Variants in LRRTM4 observed in about 807,000 individuals in gnomAD.
LRRTM4 encodes leucine rich repeat transmembrane neuronal 4.
Under a neutral mutation model 47.6 loss-of-function variants are expected in LRRTM4, and 25 were observed. The ratio of observed to expected loss-of-function variants is 0.53; its 90% confidence interval spans 0.38 to 0.73. LRRTM4 has a LOEUF of 0.73. Among genes scored for constraint, LRRTM4 ranks in the 30% least tolerant of loss-of-function variants. LRRTM4 has a pLI of 0.00. For missense variants in LRRTM4, 638 were observed against 713.4 expected, an observed-to-expected ratio of 0.89 and a Z score of 1.20; for synonymous variants, 311 against 269.5, an observed-to-expected ratio of 1.15 and a Z score of -1.51.
chr2:77,257,253 T>G (rs1400309223), intron 3 of LRRTM4, among the ~76,000 whole-genome samples: 6 of 151,908 alleles, frequency 3.9e-5, no homozygotes, highest in Admixed American at 3.3e-4. Context: ...GGCTATCCAC[T>G]CTGACCACTG....
At chr2:77,227,161 GT>G (rs1042939190) in intron 3 of LRRTM4, among the ~76,000 whole-genome samples, 2 of 151,926 alleles carry the variant, frequency 1.3e-5, no homozygotes, top group African/African-American at 4.8e-5. Flanking sequence ...TCCAACCTCA[GT>G]TTTATAAGTG....
At position 77,476,437 on chromosome 2, in the gene LRRTM4, C is replaced by G. The variant is rs186220723; in HGVS notation, c.1551+41881G>C. Among the ~76,000 whole-genome samples the G allele has an allele frequency of 2.0e-5, 3 of 152,066 alleles. No homozygotes were observed. The East Asian group carries it at 5.8e-4, about 29-fold the overall frequency. On this transcript the variant is annotated intron_variant, in intron 3 of 3. Coordinates refer to ENST00000409884, the MANE Select transcript of LRRTM4 (RefSeq NM_001134745.3). ...CATCTGACTGCAATGCAACAAAAGC[C>G]ATACATTGATTTTTTTGTAAAATAT... is the stretch of plus-strand genomic sequence containing the variant.
At chr2:77,072,934 A>T (rs1680210535) in intron 3 of LRRTM4, among the ~76,000 whole-genome samples, 1 of 152,128 alleles carries the variant, frequency 6.6e-6, no homozygotes, top group Non-Finnish European at 1.5e-5. Flanking sequence ...TTGTTAAGAC[A>T]GAAGAAGCAT....
intron 3 of LRRTM4, among the ~76,000 whole-genome samples, chr2:76,996,079 A>G (rs554386842): frequency 2.8e-4 from 43 of 152,216 alleles, no homozygotes; most frequent in African/African-American, 1.0e-3. Flanking sequence ...AAACTATGGA[A>G]CAAAACATAG....
chr2:77,431,551 G>A (rs923428238), intron 3 of LRRTM4, among the ~76,000 whole-genome samples: 2 of 148,890 alleles, frequency 1.3e-5, no homozygotes, highest in African/African-American at 2.6e-5. Flanking sequence ...AGCTCCAAAT[G>A]TCATAACTCA....
intron 3 of LRRTM4, among the ~76,000 whole-genome samples, chr2:77,184,782 G>A (rs557238491): frequency 7.6e-4 from 116 of 152,148 alleles, no homozygotes; most frequent in Middle Eastern, 6.8e-3. Flanking sequence ...CAGAAAGAAC[G>A]TTCAAATATT....
chr2:76,754,544 C>A (rs977844928), intron 3 of LRRTM4, among the ~76,000 whole-genome samples: 2 of 152,190 alleles, frequency 1.3e-5, no homozygotes, highest in African/African-American at 4.8e-5. Flanking sequence ...ATAGTTTCAG[C>A]ATGTTATCTT....
intron 3 of LRRTM4, among the ~76,000 whole-genome samples, chr2:77,331,828 C>T (rs944029807): frequency 7.9e-5 from 12 of 152,092 alleles, no homozygotes; most frequent in African/African-American, 2.4e-4. Flanking sequence ...ATATGACAAT[C>T]CAATCCTTCG....
At chr2:76,905,265 T>G (rs940172571) in intron 3 of LRRTM4, among the ~76,000 whole-genome samples, 1 of 152,026 alleles carries the variant, frequency 6.6e-6, no homozygotes, top group Non-Finnish European at 1.5e-5. Context: ...TCTAGCAAAT[T>G]CCAACAGACC....
chr2:77,008,516 T>C (rs933498534), intron 3 of LRRTM4, among the ~76,000 whole-genome samples: 1 of 152,204 alleles, frequency 6.6e-6, no homozygotes, highest in Non-Finnish European at 1.5e-5. Context: ...TGAATAAGGT[T>C]GCTGGCATTG....
intron 3 of LRRTM4, among the ~76,000 whole-genome samples, chr2:77,289,420 T>C (rs1436312034): frequency 2.0e-5 from 3 of 152,044 alleles, no homozygotes; most frequent in African/African-American, 7.2e-5. Flanking sequence ...GAAACATCCA[T>C]GCATGCCTTA....
chr2:77,391,252 G>A (rs1037543413), intron 3 of LRRTM4, among the ~76,000 whole-genome samples: 1 of 151,882 alleles, frequency 6.6e-6, no homozygotes, highest in Non-Finnish European at 1.5e-5. Context: ...ATGTGTATGT[G>A]CTTCTATTTG....
At chr2:77,072,879 C>T (rs1347336526) in intron 3 of LRRTM4, among the ~76,000 whole-genome samples, 1 of 149,844 alleles carries the variant, frequency 6.7e-6, no homozygotes, top group East Asian at 2.0e-4. Context: ...TATTCGGCTA[C>T]TTGCGTCTGT....
chr2:77,328,853 T>C (rs944054283), intron 3 of LRRTM4, among the ~76,000 whole-genome samples: 21 of 152,164 alleles, frequency 1.4e-4, no homozygotes, highest in African/African-American at 4.3e-4. Flanking sequence ...CGAAAGGCAT[T>C]GCACATGCTC....
intron 3 of LRRTM4, among the ~76,000 whole-genome samples, chr2:77,368,801 T>G (rs550130128): frequency 6.6e-6 from 1 of 151,720 alleles, no homozygotes; most frequent in African/African-American, 2.4e-5. Flanking sequence ...CTGAAGTGAA[T>G]GTAGGAGTAT....
chr2:77,367,163 A>G (rs531959464), intron 3 of LRRTM4, among the ~76,000 whole-genome samples: 10 of 151,718 alleles, frequency 6.6e-5, no homozygotes, highest in African/African-American at 2.4e-4. Flanking sequence ...TCACCTAATT[A>G]TCTTGTGCTC....
intron 3 of LRRTM4, among the ~76,000 whole-genome samples, chr2:77,117,612 A>T (rs1309896569): frequency 6.6e-6 from 1 of 152,000 alleles, no homozygotes; most frequent in African/African-American, 2.4e-5. Flanking sequence ...ATAAATAAAT[A>T]AAATTGTCAA....
chr2:76,808,166 G>C (rs575983231), intron 3 of LRRTM4, among the ~76,000 whole-genome samples: 1 of 151,254 alleles, frequency 6.6e-6, no homozygotes, highest in East Asian at 2.0e-4. Flanking sequence ...GATTACAGGC[G>C]CCCGCCACGA....
At chr2:76,854,683 C>G (rs973220565) in intron 3 of LRRTM4, among the ~76,000 whole-genome samples, 16 of 152,202 alleles carry the variant, frequency 1.1e-4, no homozygotes, top group African/African-American at 3.9e-4. Context: ...TGGGCTTGCT[C>G]TAGATTATCT....
Sources: allele counts gnomAD v4.1 joint callset (sites outside exome capture counted in the v4.1 genomes callset), GRCh38; gene constraint gnomAD v4.1.1; transcripts MANE v1.5; gene names NCBI Gene and HGNC (gene_info 2026-07-23, HGNC 2026-07-21).